The following DHRSX variants were observed in gnomAD, a reference collection of about 807,000 sequenced individuals.
DHRSX encodes the protein dehydrogenase/reductase X-linked, also known as polyprenol dehydrogenase.
In DHRSX, 31 loss-of-function variants were observed where a neutral mutation model predicts 34.0. The ratio of observed to expected loss-of-function variants is 0.91; its 90% CI spans 0.69 to 1.23. The LOEUF is 1.23. Ranked by LOEUF, DHRSX falls within the 50% of genes most tolerant of loss-of-function variation. The pLI is 0.00. For missense variants in DHRSX, 414 were observed against 428.1 expected (o/e 0.97, Z 0.29); for synonymous variants, 201 against 183.8 (o/e 1.09, Z -0.76).
chrX:2,407,134 G>A (rs2043565323), intron 3 of DHRSX, among the ~76,000 whole-genome samples: 1 of 152,148 alleles, frequency 6.6e-6, no homozygotes, highest in African/African-American at 2.4e-5. Flanking sequence ...TGGAACTGGA[G>A]GCCATTACCC....
intron 4 of DHRSX, among the ~76,000 whole-genome samples, chrX:2,276,138 G>A (rs34346401): frequency 0.42 from 64,028 of 152,126 alleles, 15,048 homozygotes; most frequent in Non-Finnish European, 0.55. Context: ...CATCGCGCCC[G>A]GCCTGTTTCT....
At chrX:2,329,559 A>T (rs138560174) in intron 3 of DHRSX, among the ~76,000 whole-genome samples, 3,843 of 152,180 alleles carry the variant, frequency 0.025, 139 homozygotes, top group African/African-American at 0.078. Context: ...ACCTTTCTGA[A>T]ACTACTAGGC....
intron 5 of DHRSX, among the ~76,000 whole-genome samples, chrX:2,253,856 C>G (rs1471155462): frequency 6.6e-6 from 1 of 152,088 alleles, no homozygotes; most frequent in East Asian, 1.9e-4. Context: ...GTCAGAATAT[C>G]GAGACCATCC....
chrX:2,224,725 T>C (rs1428967202), intron 6 of DHRSX, among the ~76,000 whole-genome samples: 1 of 152,074 alleles, frequency 6.6e-6, no homozygotes, highest in South Asian at 2.1e-4. Context: ...CACATACTCA[T>C]GCATACGCAC....
At chrX:2,235,524 C>T (rs936724724) in intron 6 of DHRSX, among the ~76,000 whole-genome samples, 24 of 151,462 alleles carry the variant, frequency 1.6e-4, no homozygotes, top group Non-Finnish European at 1.6e-4. Context: ...GCCGGCGGAT[C>T]ACAAGGTCAA....
intron 2 of DHRSX, among the ~76,000 whole-genome samples, chrX:2,421,308 A>G (rs2043776527): frequency 6.6e-6 from 1 of 152,130 alleles, no homozygotes. Flanking sequence ...TGAGCCCAGG[A>G]GGCAGAGGTT....
At chrX:2,233,781 G>T (rs1409435046) in intron 6 of DHRSX, among the ~76,000 whole-genome samples, 4 of 151,872 alleles carry the variant, frequency 2.6e-5, no homozygotes, top group Admixed American at 1.3e-4. Flanking sequence ...AAAAAAAGAT[G>T]AAACACACAC....
intron 5 of DHRSX, among the ~76,000 whole-genome samples, chrX:2,253,217 C>T (rs2016475435): frequency 6.6e-6 from 1 of 151,662 alleles, no homozygotes; most frequent in African/African-American, 2.4e-5. Context: ...GGGAGGCGGA[C>T]ATGGCCTTGA....
intron 1 of DHRSX, among the ~76,000 whole-genome samples, chrX:2,442,810 A>G (rs929188049): frequency 2.0e-5 from 3 of 152,162 alleles, no homozygotes; most frequent in African/African-American, 7.2e-5. Context: ...AGACATTTGT[A>G]CAAACTGAAG....
intron 1 of DHRSX, among the ~76,000 whole-genome samples, chrX:2,478,051 G>C (rs1173693662): frequency 2.0e-5 from 3 of 152,224 alleles, no homozygotes; most frequent in African/African-American, 7.2e-5. Context: ...TTCAGGTTCT[G>C]AATCTCTGAT....
intron 1 of DHRSX, among the ~76,000 whole-genome samples, chrX:2,475,364 G>A (rs986730165): frequency 6.7e-6 from 1 of 150,282 alleles, no homozygotes; most frequent in African/African-American, 2.5e-5. Flanking sequence ...ATGCCGACAT[G>A]TACACACTGA....
At chrX:2,250,640 T>A (rs1202108112) in intron 5 of DHRSX, among the ~76,000 whole-genome samples, 1 of 152,094 alleles carries the variant, frequency 6.6e-6, no homozygotes, top group African/African-American at 2.4e-5. Context: ...GTCGTCACCA[T>A]CTTGGTTTCG....
chrX:2,361,385 G>T (rs1449992948), intron 3 of DHRSX, among the ~76,000 whole-genome samples: 2 of 152,154 alleles, frequency 1.3e-5, no homozygotes, highest in Non-Finnish European at 2.9e-5. Flanking sequence ...GATTACAGGT[G>T]TGAGCTACCG....
chrX:2,304,836 C>G (rs2042080712), intron 3 of DHRSX, among the ~76,000 whole-genome samples: 1 of 151,972 alleles, frequency 6.6e-6, no homozygotes, highest in Non-Finnish European at 1.5e-5. Flanking sequence ...ACCATTTGAC[C>G]CAGCAATCCC....
intron 2 of DHRSX, among the ~76,000 whole-genome samples, chrX:2,411,317 G>A (rs73191367): frequency 0.073 from 11,110 of 151,980 alleles, 489 homozygotes; most frequent in Non-Finnish European, 0.093. Flanking sequence ...TTGGGAAGCC[G>A]AGGCAAGCGG....
chrX:2,249,596 T>C (rs2124438337), intron 5 of DHRSX, among the ~76,000 whole-genome samples: 1 of 131,776 alleles, frequency 7.6e-6, no homozygotes, highest in East Asian at 2.5e-4. Context: ...CAATCTCAGC[T>C]CACTGCGACC....
chrX:2,445,605 C>A (rs1403263704), intron 1 of DHRSX, among the ~76,000 whole-genome samples: 1 of 150,360 alleles, frequency 6.7e-6, no homozygotes, highest in Non-Finnish European at 1.5e-5. Context: ...GACCGCTGCC[C>A]TGTACACAAG....
chrX:2,265,322 A>G (rs2124460337), intron 5 of DHRSX, among the ~76,000 whole-genome samples: 1 of 36,902 alleles, frequency 2.7e-5, no homozygotes, highest in South Asian at 1.6e-3. Context: ...ACCAGTGCTC[A>G]GCAGACGCAG....
intron 1 of DHRSX, among the ~76,000 whole-genome samples, chrX:2,485,815 A>G (rs1275146983): frequency 1.6e-5 from 1 of 61,398 alleles, no homozygotes; most frequent in African/African-American, 6.6e-5. Context: ...AGGAAGGGAG[A>G]GAAGGAAGGA....
Sources: allele counts gnomAD v4.1 joint callset (sites outside exome capture counted in the v4.1 genomes callset), GRCh38; gene constraint gnomAD v4.1.1; transcripts MANE v1.5; gene names NCBI Gene and HGNC (gene_info 2026-07-23, HGNC 2026-07-21).